The following DPPA2 variants were observed in gnomAD, a reference collection of about 807,000 sequenced individuals.
DPPA2 encodes the protein developmental pluripotency associated 2.
Under a neutral mutation model 36.2 loss-of-function variants are expected in DPPA2, and 26 were observed. That is an observed-to-expected ratio of 0.72 (90% CI 0.53 to 1.00). The LOEUF is 1.00. Among genes scored for constraint, DPPA2 ranks in the 50% least tolerant of loss-of-function variants. DPPA2 has a pLI of 0.00. For synonymous variants in DPPA2, 113 were observed against 123.2 expected (o/e 0.92, Z 0.55); for missense variants, 361 against 365.1 (o/e 0.99, Z 0.09).
chr3:109,295,731 T>C (rs906306476), intron 8 of DPPA2, among the ~76,000 whole-genome samples: 7 of 151,962 alleles, frequency 4.6e-5, no homozygotes, highest in Non-Finnish European at 8.8e-5. Context: ...GACTAAGATA[T>C]GGCAGAGATG....
chr3:109,303,583 G>C (rs1354157376), intron 7 of DPPA2, among the ~76,000 whole-genome samples: 2 of 151,508 alleles, frequency 1.3e-5, no homozygotes, highest in African/African-American at 4.8e-5. Context: ...TGGTCAGGCT[G>C]GTCTCGAACT....
At chr3:109,308,467 A>G (rs1293025150) in intron 5 of DPPA2, among the ~76,000 whole-genome samples, 174 bp from the exon 6 acceptor site, 3 of 152,046 alleles carry the variant, frequency 2.0e-5, no homozygotes, top group African/African-American at 7.2e-5. Flanking sequence ...GGTTCAAGCT[A>G]TTCTCCTGCC....
chr3:109,301,006 C>T (rs1707448712), intron 7 of DPPA2, among the ~76,000 whole-genome samples: 1 of 139,672 alleles, frequency 7.2e-6, no homozygotes, highest in Admixed American at 7.2e-5. Context: ...TTTTTTAAGA[C>T]AGGTTCTCAC....
rs772124874 is a variant in DPPA2, at chr3:109,308,175, G to A, written c.515C>T (p.Thr172Ile). The A allele has an allele frequency of 6.2e-7, 1 of 1,614,038 alleles. No individual in the cohort carries two copies. The change falls in exon 6 of 9, where the codon ACC (threonine) becomes ATC (isoleucine). Residue 172 changes from threonine (T) to isoleucine (I), a missense_variant. By Grantham distance (89) the Thr-to-Ile change is moderately conservative. Coordinates refer to ENST00000478945, the MANE Select transcript of DPPA2 (RefSeq NM_138815.4). ...TGAAGTTATCACTTCAACTGTATTG[G>A]TCTCTTCTGCTCTCTCATTCATCTC... is the stretch of plus-strand genomic sequence containing the variant. ...SYEMNERAEE[T>I]NTVEVITSAP...
chr3:109,307,680 A>T (rs901091419), intron 6 of DPPA2, among the ~76,000 whole-genome samples: 7 of 152,098 alleles, frequency 4.6e-5, no homozygotes, highest in Admixed American at 3.9e-4. Flanking sequence ...ATATCCAGGA[A>T]ATGGTAAAGC....
At chr3:109,315,743 AC>A (rs1220923488) in intron 1 of DPPA2, among the ~76,000 whole-genome samples, 1 of 152,100 alleles carries the variant, frequency 6.6e-6, no homozygotes, top group East Asian at 1.9e-4. Flanking sequence ...TATTGTCTGG[AC>A]CTGGCACGGT....
rs555114550 is a variant in DPPA2 at position 109,308,642 on chromosome 3, A to G, written c.397-349T>C. On this transcript the variant is annotated intron_variant, in intron 5 of 8. Coordinates refer to ENST00000478945, the MANE Select transcript of DPPA2 (RefSeq NM_138815.4). ...CTCCCAAAGTGCTGGGATTACAGGC[A>G]TGAGCCACCACACCCGGCCAATTTT... Among the ~76,000 whole-genome samples, 313 of 152,300 alleles carry G rather than the reference A, an allele frequency of 2.1e-3. 1 individual carries two copies. The highest frequency in any genetic ancestry group is 2.7e-3 in the Non-Finnish European group (181 of 68,026).
intron 7 of DPPA2, among the ~76,000 whole-genome samples, chr3:109,302,227 C>A (rs1316897838): frequency 3.3e-5 from 5 of 152,188 alleles, no homozygotes; most frequent in African/African-American, 1.2e-4. Context: ...CTAACTCATA[C>A]TTCTCTCAGA....
intron 6 of DPPA2, among the ~76,000 whole-genome samples, chr3:109,306,478 T>C (rs1181331756): frequency 6.6e-6 from 1 of 152,112 alleles, no homozygotes; most frequent in Non-Finnish European, 1.5e-5. Context: ...TGATGAATAA[T>C]GTGTCCTACC....
chr3:109,294,039 C>T (rs548874088), intron 8 of DPPA2, 35 bp from the exon 9 acceptor site: 7 of 152,178 alleles, frequency 4.6e-5, no homozygotes, highest in Non-Finnish European at 7.4e-5. Flanking sequence ...ATTTAAGAGC[C>T]GCTTTGAGCT....
intron 8 of DPPA2, among the ~76,000 whole-genome samples, chr3:109,299,339 CG>C (rs1707416385): frequency 6.6e-6 from 1 of 152,026 alleles, no homozygotes; most frequent in African/African-American, 2.4e-5. Context: ...GGCAAAACCC[CG>C]TTTCTACTAA....
intron 3 of DPPA2, among the ~76,000 whole-genome samples, chr3:109,309,791 C>A (rs1707663284): frequency 6.9e-6 from 1 of 145,272 alleles, no homozygotes; most frequent in African/African-American, 2.6e-5. Context: ...AATGAGGTAA[C>A]AAGGCCGGGC....
rs907617272 is a variant in DPPA2 at position 109,310,394 on chromosome 3, TGA to T, written c.182-1066_182-1065del. Among the ~76,000 whole-genome samples the T allele has an allele frequency of 3.5e-5, 3 of 86,368 alleles. 1 individual carries two copies. The highest frequency in any genetic ancestry group is 1.9e-4 in the African/African-American group (3 of 16,170). The allele number at this position is 86,368 out of a possible 152,430, so 56.7% of individuals were successfully genotyped here. On this transcript the variant is annotated intron_variant, in intron 3 of 8. Transcript: ENST00000478945. ...CAGCACTCCAGCCTGGGCAATACAG[TGA>T]GACTCTGTCTCAAAAAAAAAAAAAA...
intron 8 of DPPA2, among the ~76,000 whole-genome samples, chr3:109,294,697 T>C (rs1015885637): frequency 2.6e-5 from 4 of 152,198 alleles, no homozygotes; most frequent in African/African-American, 9.6e-5. Context: ...GATAAATTAC[T>C]AAATTAGCCT....
intron 8 of DPPA2, among the ~76,000 whole-genome samples, chr3:109,299,995 C>G: frequency 6.6e-6 from 1 of 152,144 alleles, no homozygotes; most frequent in East Asian, 1.9e-4. Context: ...GGGTGTGAAG[C>G]ACCGTGTACA....
At chr3:109,309,514 C>T (rs562252452) in intron 3 of DPPA2, among the ~76,000 whole-genome samples, 184 bp from the exon 4 acceptor site, 10 of 150,942 alleles carry the variant, frequency 6.6e-5, no homozygotes, top group Non-Finnish European at 5.9e-5. Flanking sequence ...GGTGAAACCC[C>T]GTCTCTACTA....
In DPPA2 at chr3:109,312,738, C is replaced by T; in HGVS notation, c.34-46G>A. On this transcript the variant is annotated intron_variant, in intron 2 of 8. Coordinates refer to ENST00000478945, the MANE Select transcript of DPPA2 (RefSeq NM_138815.4). ...CTGATTTTCATTTGATGCGGTACAA[C>T]TAAACTGCTTGCTTTCAAGGCAAAA... 3 of 1,595,250 alleles carry T rather than the reference C, an allele frequency of 1.9e-6. 1 individual carries two copies. The highest frequency in any genetic ancestry group is 2.2e-5 in the South Asian group (2 of 89,502).
intron 2 of DPPA2, 127 bp from the exon 3 acceptor site, chr3:109,312,819 A>G (rs997648426): frequency 2.5e-6 from 3 of 1,187,750 alleles, no homozygotes; most frequent in Non-Finnish European, 3.5e-6. Context: ...AATTACTGGG[A>G]TTCCTAGAAT....
chr3:109,297,591 A>G (rs1459958139), intron 8 of DPPA2, among the ~76,000 whole-genome samples: 1 of 152,118 alleles, frequency 6.6e-6, no homozygotes, highest in African/African-American at 2.4e-5. Context: ...AAATCCAAAC[A>G]ATACGAAATA....
Sources: allele counts gnomAD v4.1 joint callset (sites outside exome capture counted in the v4.1 genomes callset), GRCh38; gene constraint gnomAD v4.1.1; transcripts MANE v1.5; gene names NCBI Gene and HGNC (gene_info 2026-07-23, HGNC 2026-07-21).